The following CD4 variants were observed in gnomAD, a reference collection of about 807,000 sequenced individuals.
CD4 encodes the protein CD4 molecule.
A neutral mutation model predicts 50.5 loss-of-function variants in CD4; 25 were observed. That is an observed-to-expected ratio of 0.49 (90% confidence interval 0.36 to 0.69). The LOEUF is 0.69. Among genes scored for constraint, CD4 ranks in the 30% least tolerant of loss-of-function variants. The pLI is 0.00. For missense variants in CD4, 456 were observed against 548.5 expected (o/e 0.83, Z 1.68); for synonymous variants, 207 against 221.9 (o/e 0.93, Z 0.60).
intron 1 of CD4, chr12:6,799,725 C>G (rs1054722121): frequency 9.5e-5 from 16 of 167,828 alleles, no homozygotes; most frequent in Non-Finnish European, 1.4e-4. Flanking sequence ...AAGTGATCCA[C>G]CCACCTCGGC....
At chr12:6,817,895 AC>A (rs1943132720) in intron 7 of CD4, among the ~76,000 whole-genome samples, 4 of 151,704 alleles carry the variant, frequency 2.6e-5, no homozygotes, top group Admixed American at 6.6e-5. Flanking sequence ...ACATTCACGC[AC>A]ATACTCTCAC....
At chr12:6,817,955 G>A (rs939730916) in intron 7 of CD4, among the ~76,000 whole-genome samples, 5 of 151,000 alleles carry the variant, frequency 3.3e-5, no homozygotes, top group Admixed American at 1.3e-4. Flanking sequence ...ACTCACATCC[G>A]CACACGCATT....
chr12:6,794,786 G>GTT lies in CD4; in HGVS notation c.-68+5139_-68+5140dup, dbSNP rs1220016459. Among the ~76,000 whole-genome samples, 108 of 105,376 alleles carry GTT rather than the reference G, an allele frequency of 1.0e-3. 1 individual carries two copies. The East Asian group carries it at 0.011, about 11-fold the overall frequency. The allele number at this position is 105,376 out of a possible 152,430, so 69.1% of individuals were successfully genotyped here. A position where few individuals can be genotyped will look rare whatever the true frequency, so the allele number is the denominator to read the frequency against. ...CTGTCTGTATGTCTGTTTTTTTTTT[G>GTT]TTTTTTTTTTTTTTTTGAGATAGAG... is the stretch of plus-strand genomic sequence containing the variant. On this transcript the variant is annotated intron_variant, in intron 1 of 9. Coordinates refer to ENST00000011653, the MANE Select transcript of CD4 (RefSeq NM_000616.5).
intron 5 of CD4, chr12:6,815,607 G>C: frequency 5.6e-6 from 4 of 719,160 alleles, no homozygotes; most frequent in Non-Finnish European, 8.6e-6. Context: ...TGTGAAATGG[G>C]GATGATGTTA....
intron 3 of CD4, among the ~76,000 whole-genome samples, chr12:6,804,908 C>T (rs1258714210): frequency 3.3e-5 from 5 of 150,856 alleles, no homozygotes; most frequent in Admixed American, 2.0e-4. Flanking sequence ...CCCAGCTACT[C>T]GGGAAGCTGA....
In CD4 at chr12:6,819,346, G is replaced by T; in HGVS notation, c.*17G>T. On this transcript the variant is annotated 3_prime_UTR_variant, in exon 10 of 10. Transcript: ENST00000011653. ...CCCATTTGAGGCACGAGGCCAGGCA[G>T]ATCCCACTTGCAGCCTCCCCAGGTG... is the stretch of plus-strand genomic sequence containing the variant. 3.1e-6 allele frequency: 5 copies of T among 1,613,720 alleles called. No individual in the cohort carries two copies. Among genetic ancestry groups the T allele is most frequent in the Non-Finnish European group, 3.4e-6 (4 of 1,179,604 alleles).
intron 5 of CD4, chr12:6,815,193 G>T (rs1246595569): frequency 1.8e-6 from 1 of 560,264 alleles, no homozygotes; most frequent in Non-Finnish European, 3.2e-6. Flanking sequence ...CCACCCCTCA[G>T]TGTGGTGGAC....
chr12:6,800,502 G>A (rs782459887), intron 3 of CD4, 31 bp downstream of exon 3: 2 of 1,588,056 alleles, frequency 1.3e-6, no homozygotes, highest in East Asian at 4.5e-5. Context: ...ATCCAGGGAG[G>A]AAAACACACT....
Position 6,818,062 on chromosome 12 carries a change from GCACACA to G in CD4, c.1157-356_1157-351del, listed in dbSNP as rs782607531. Among the ~76,000 whole-genome samples, 1 of 143,572 alleles carries G rather than the reference GCACACA, an allele frequency of 7.0e-6. No homozygotes were observed. Among genetic ancestry groups the G allele is most frequent in the African/African-American group, 2.6e-5 (1 of 38,648 alleles). The allele number at this position is 143,572 out of a possible 152,430, so 94.2% of individuals were successfully genotyped here. A position where few individuals can be genotyped will look rare whatever the true frequency, so the allele number is the denominator to read the frequency against. On this transcript the variant is annotated intron_variant, in intron 7 of 9. Coordinates refer to ENST00000011653, the MANE Select transcript of CD4 (RefSeq NM_000616.5). The surrounding 1 kb of genome is among the most constrained non-coding windows in gnomAD (Gnocchi z 5.0). ...CACACATTCACACACATGCACACAC[GCACACA>G]CATTCACACATGGACTCACACGCGC...
intron 5 of CD4, 126 bp from the exon 6 acceptor site, chr12:6,815,930 G>C: frequency 6.6e-7 from 1 of 1,525,884 alleles, no homozygotes; most frequent in Non-Finnish European, 8.8e-7. Flanking sequence ...TATCTGAAGT[G>C]ACAAGGTGGG....
intron 3 of CD4, chr12:6,813,447 C>T (rs997532548): frequency 2.0e-5 from 3 of 151,914 alleles, no homozygotes; most frequent in Non-Finnish European, 4.4e-5. Context: ...TTTTCATATA[C>T]AAAGAATATA....
At chr12:6,817,984 A>G (rs770503945) in intron 7 of CD4, among the ~76,000 whole-genome samples, 19 of 151,780 alleles carry the variant, frequency 1.3e-4, no homozygotes, top group South Asian at 2.1e-4. Flanking sequence ...ATGTGCACAC[A>G]CGCGCGCGCA....
In CD4 at chr12:6,792,151, C is replaced by T. The variant is rs1245585572; in HGVS notation, c.-68+2489C>T. 6.6e-6 allele frequency among the ~76,000 whole-genome samples: 1 copy of T among 152,044 alleles called. No homozygotes were observed. The highest frequency in any genetic ancestry group is 1.5e-5 in the Non-Finnish European group (1 of 68,008). ...AGGGTGAACGCGGTGGGGCACATCC[C>T]GCGGCTGGGCTTGAGTGGGCTGCTT... is the stretch of plus-strand genomic sequence containing the variant. On this transcript the variant is annotated intron_variant, in intron 1 of 9. Transcript: ENST00000011653. The surrounding 1 kb of genome is among the most constrained non-coding windows in gnomAD (Gnocchi z 4.1).
intron 7 of CD4, 42 bp downstream of exon 7, chr12:6,817,372 G>A: frequency 6.6e-7 from 1 of 1,519,376 alleles, no homozygotes; most frequent in Non-Finnish European, 8.9e-7. Flanking sequence ...CTGGGCTGCG[G>A]GACCTTCCTG....
intron 3 of CD4, among the ~76,000 whole-genome samples, chr12:6,808,714 A>G (rs949909035): frequency 1.3e-5 from 2 of 152,100 alleles, no homozygotes; most frequent in Admixed American, 6.6e-5. Context: ...ATATATGGCC[A>G]TTATCATTTT....
At chr12:6,814,677 A>G (rs782363428) in intron 4 of CD4, 82 bp from the exon 5 acceptor site, 1 of 1,005,474 alleles carries the variant, frequency 9.9e-7, no homozygotes, top group Non-Finnish European at 1.6e-6. Flanking sequence ...GCGATAATGG[A>G]GAGATGTTGT....
At position 6,818,662 on chromosome 12, in the gene CD4, T is replaced by G; in HGVS notation, c.1278+120T>G. 2 of 1,325,700 alleles carry G rather than the reference T, an allele frequency of 1.5e-6. No homozygotes were observed. The highest frequency in any genetic ancestry group is 2.1e-6 in the Non-Finnish European group (2 of 936,518). 82.1% of individuals were successfully genotyped at this position (1,325,700 alleles called of 1,614,324 possible). A position where few individuals can be genotyped will look rare whatever the true frequency, so the allele number is the denominator to read the frequency against. ...CCCTCTGCCCACTCGTAAGTTCCCTTGCTGCCCTGTCCCAGATCCCACTCA... is the reference window on the plus strand; with the variant it reads ...CCCTCTGCCCACTCGTAAGTTCCCTGGCTGCCCTGTCCCAGATCCCACTCA... On this transcript the variant is annotated intron_variant, in intron 8 of 9. Coordinates refer to ENST00000011653, the MANE Select transcript of CD4 (RefSeq NM_000616.5). The surrounding 1 kb of genome is among the most constrained non-coding windows in gnomAD (Gnocchi z 5.0).
chr12:6,813,210 A>C (rs1395323534), intron 3 of CD4, among the ~76,000 whole-genome samples: 19 of 146,020 alleles, frequency 1.3e-4, no homozygotes, highest in African/African-American at 4.8e-4. Context: ...AAGGCGGCTA[A>C]TTAAAAAAAA....
Position 6,817,157 on chromosome 12 carries a change from G to C in CD4, c.983G>C (p.Cys328Ser). The C allele has an allele frequency of 6.2e-7, 1 of 1,614,134 alleles. No homozygotes were observed. Among genetic ancestry groups the C allele is most frequent in the South Asian group, 1.1e-5 (1 of 91,080 alleles). The stretch of plus-strand genomic sequence containing the variant: ...ACTCAGCTCCAGAAAAATTTGACCT[G>C]TGAGGTGTGGGGACCCACCTCCCCT... ...RATQLQKNLT[C>S]EVWGPTSPKL... The change falls in exon 7 of 10, where the codon TGT becomes TCT. Residue 328 changes from cysteine (C) to serine (S), a missense_variant. Coordinates refer to ENST00000011653, the MANE Select transcript of CD4 (RefSeq NM_000616.5).
Sources: gnomAD v4.1 joint callset for allele counts (sites outside exome capture counted in the v4.1 genomes callset) on GRCh38, gnomAD v4.1.1 for gene constraint, Gnocchi (gnomAD v3.1) non-coding constraint, MANE v1.5 for transcripts, NCBI Gene and HGNC (gene_info 2026-07-23, HGNC 2026-07-21) for gene names.